SBF2: variants seen among roughly 807,000 people sequenced by gnomAD.
SBF2 encodes myotubularin-related protein 13.
In SBF2, 112 loss-of-function variants were observed where a neutral mutation model predicts 225.2. The ratio of observed to expected loss-of-function variants is 0.50; its 90% CI spans 0.43 to 0.58. The LOEUF (loss-of-function observed/expected upper bound fraction) is 0.58, where lower values mean the gene tolerates loss of function less well. SBF2 is among the 20% of genes least tolerant of loss of function. The pLI, the probability that SBF2 is intolerant of heterozygous loss-of-function variation, is 0.00. For missense variants in SBF2, 1,996 were observed against 2,206.2 expected, an observed-to-expected ratio of 0.90 and a Z score of 1.91; for synonymous variants, 763 against 773.3, an observed-to-expected ratio of 0.99 and a Z score of 0.22.
At position 10,239,879 on chromosome 11, in the gene SBF2, C is replaced by T. The variant is rs192441988; in HGVS notation, c.56-45892G>A. ...GTTTTATGTGTTCATTTATAGAGCA[C>T]ATAAATGTGTCTGTTTTTATCTTTG... On this transcript the variant is annotated intron_variant, in intron 1 of 39. Coordinates refer to ENST00000256190, the MANE Select transcript of SBF2 (RefSeq NM_030962.4). Among the ~76,000 whole-genome samples, 580 of 152,148 alleles carry T rather than the reference C, an allele frequency of 3.8e-3. 4 individuals are homozygous for T. Among genetic ancestry groups the T allele is most frequent in the South Asian group, 5.6e-3 (27 of 4,820 alleles).
chr11:10,199,285 T>C (rs1464499569), intron 1 of SBF2, among the ~76,000 whole-genome samples: 1 of 152,142 alleles, frequency 6.6e-6, no homozygotes, highest in African/African-American at 2.4e-5. Context: ...ATTTATGGAT[T>C]AAATTTGCCA....
intron 12 of SBF2, among the ~76,000 whole-genome samples, chr11:9,991,583 A>G (rs1424639831): frequency 6.6e-6 from 1 of 152,206 alleles, no homozygotes; most frequent in Non-Finnish European, 1.5e-5. Flanking sequence ...TACTCTTTCA[A>G]AAATTGAAAT....
intron 1 of SBF2, among the ~76,000 whole-genome samples, chr11:10,254,838 T>G (rs61889815): frequency 7.9e-6 from 1 of 127,286 alleles, no homozygotes; most frequent in African/African-American, 3.0e-5. Flanking sequence ...GAGGTGGAGG[T>G]TGCAGTGAGC....
chr11:9,826,822 T>C (rs1168640744), intron 28 of SBF2, among the ~76,000 whole-genome samples: 1 of 151,852 alleles, frequency 6.6e-6, no homozygotes, highest in Non-Finnish European at 1.5e-5. Flanking sequence ...TTTGCTCTTG[T>C]TGCCCAGGCT....
intron 6 of SBF2, among the ~76,000 whole-genome samples, chr11:10,016,107 C>G (rs1207490897): frequency 6.6e-6 from 1 of 151,528 alleles, no homozygotes; most frequent in African/African-American, 2.4e-5. Context: ...ACACTCTGCC[C>G]TATCCCACAA....
In SBF2 at chr11:10,149,835, C is replaced by T. The variant is rs140507970; in HGVS notation, c.141+44067G>A. 7.7e-4 allele frequency among the ~76,000 whole-genome samples: 118 copies of T among 152,306 alleles called. 1 individual carries two copies. The highest frequency in any genetic ancestry group is 2.4e-3 in the African/African-American group (101 of 41,574). On this transcript the variant is annotated intron_variant, in intron 2 of 39. Transcript: ENST00000256190. ...TTTGGGACAGGGAAAGATGGTCTTTCACTATGTGACTCAATGACATTTTGT... is the reference window on the plus strand; with the variant it reads ...TTTGGGACAGGGAAAGATGGTCTTTTACTATGTGACTCAATGACATTTTGT...
At chr11:10,124,549 TTTA>T (rs1457441312) in intron 2 of SBF2, among the ~76,000 whole-genome samples, 3 of 152,180 alleles carry the variant, frequency 2.0e-5, no homozygotes, top group African/African-American at 7.2e-5. Context: ...AATATCAAGT[TTTA>T]TTATCTTACT....
At chr11:10,260,179 T>C (rs1476368661) in intron 1 of SBF2, among the ~76,000 whole-genome samples, 1 of 152,182 alleles carries the variant, frequency 6.6e-6, no homozygotes, top group Non-Finnish European at 1.5e-5. Context: ...CCCCAACCCA[T>C]AATGTGTTAA....
chr11:10,037,700 A>T lies in SBF2; in HGVS notation c.279+5144T>A, dbSNP rs183837906. On this transcript the variant is annotated intron_variant, in intron 3 of 39. Coordinates refer to ENST00000256190, the MANE Select transcript of SBF2 (RefSeq NM_030962.4). ...AAACCATCTTTTTCTGTTCTCTCAA[A>T]TTTTTTCCTGCATGTTCTCTCTATG... Among the ~76,000 whole-genome samples the T allele has an allele frequency of 5.9e-3, 771 of 130,684 alleles. 2 individuals are homozygous for T. The highest frequency in any genetic ancestry group is 8.3e-3 in the Non-Finnish European group (531 of 63,766). 85.7% of individuals were successfully genotyped at this position (130,684 alleles called of 152,430 possible). A position where few individuals can be genotyped will look rare whatever the true frequency, so the allele number is the denominator to read the frequency against.
chr11:10,254,104 T>C lies in SBF2; in HGVS notation c.55+39911A>G, dbSNP rs147169323. Reference sequence around the variant, plus strand: ...AGGTTGCTCAAACAATTAAAAATACTCAGGTATGGTGGCTCATGCCTGTAA... The same window carrying C: ...AGGTTGCTCAAACAATTAAAAATACCCAGGTATGGTGGCTCATGCCTGTAA... On this transcript the variant is annotated intron_variant, in intron 1 of 39. Coordinates refer to ENST00000256190, the MANE Select transcript of SBF2 (RefSeq NM_030962.4). Among the ~76,000 whole-genome samples, 9 of 152,272 alleles carry C rather than the reference T, an allele frequency of 5.9e-5. No homozygotes were observed. In the East Asian group the frequency reaches 1.7e-3, roughly 29 times the overall value.
chr11:9,903,713 A>T (rs1454367688), intron 16 of SBF2, among the ~76,000 whole-genome samples: 1 of 152,198 alleles, frequency 6.6e-6, no homozygotes, highest in African/African-American at 2.4e-5. Context: ...CCCCTTTCCC[A>T]TGATTCTTCC....
intron 2 of SBF2, among the ~76,000 whole-genome samples, chr11:10,183,591 T>C (rs1591161480): frequency 6.6e-6 from 1 of 152,202 alleles, no homozygotes; most frequent in African/African-American, 2.4e-5. Context: ...ACTTTTTGTG[T>C]ATGGTTTAAG....
intron 1 of SBF2, among the ~76,000 whole-genome samples, chr11:10,250,896 T>TA (rs1169937297): frequency 6.6e-6 from 1 of 152,160 alleles, no homozygotes; most frequent in East Asian, 1.9e-4. Flanking sequence ...ACCCTTAAGG[T>TA]AAAACTAACC....
At chr11:9,868,892 C>T (rs1564934724) in intron 17 of SBF2, among the ~76,000 whole-genome samples, 1 of 152,168 alleles carries the variant, frequency 6.6e-6, no homozygotes, top group African/African-American at 2.4e-5. Context: ...TAGCACTCAC[C>T]GGGCACATCT....
chr11:10,116,208 T>C (rs1185668750), intron 2 of SBF2, among the ~76,000 whole-genome samples: 1 of 152,190 alleles, frequency 6.6e-6, no homozygotes, highest in East Asian at 1.9e-4. Context: ...TTTATCTGAA[T>C]ATTACTTTGG....
intron 2 of SBF2, among the ~76,000 whole-genome samples, chr11:10,102,626 G>A (rs1307215775): frequency 6.6e-6 from 1 of 152,140 alleles, no homozygotes; most frequent in East Asian, 1.9e-4. Context: ...GGTTGAAAAG[G>A]GTGTGTGAAG....
intron 2 of SBF2, among the ~76,000 whole-genome samples, chr11:10,094,174 T>C (rs966580366): frequency 6.6e-6 from 1 of 151,960 alleles, no homozygotes; most frequent in African/African-American, 2.4e-5. Context: ...CTACTAAAAA[T>C]ACAAAATTAG....
chr11:10,179,339 TATA>T (rs762821254), intron 2 of SBF2, among the ~76,000 whole-genome samples: 267 of 149,162 alleles, frequency 1.8e-3, no homozygotes, highest in Non-Finnish European at 2.6e-3. Flanking sequence ...AAACTTAAAG[TATA>T]ATAATAATAA....
intron 2 of SBF2, among the ~76,000 whole-genome samples, chr11:10,162,745 T>C (rs944767877): frequency 2.0e-5 from 3 of 152,172 alleles, no homozygotes; most frequent in South Asian, 2.1e-4. Flanking sequence ...GAAATGGATA[T>C]GCATAATTTA....
Sources: gnomAD v4.1 joint callset for allele counts (sites outside exome capture counted in the v4.1 genomes callset) on GRCh38, gnomAD v4.1.1 for gene constraint, MANE v1.5 for transcripts, NCBI Gene and HGNC (gene_info 2026-07-23, HGNC 2026-07-21) for gene names.